The following TRPC5 variants were observed in gnomAD, a reference collection of about 807,000 sequenced individuals.
The protein encoded by TRPC5 is short transient receptor potential channel 5.
Under a neutral mutation model 56.5 loss-of-function variants are expected in TRPC5, and 9 were observed. The observed-to-expected ratio is 0.16, with a 90% CI of 0.10 to 0.28. The LOEUF (loss-of-function observed/expected upper bound fraction) is 0.28, where lower values mean the gene tolerates loss of function less well. TRPC5 is among the 10% of genes least tolerant of loss of function. The pLI is 1.00. For missense variants in TRPC5, 469 were observed against 748.9 expected, an observed-to-expected ratio of 0.63 and a Z score of 4.36; for synonymous variants, 282 against 278.5, an observed-to-expected ratio of 1.01 and a Z score of -0.13.
At position 111,769,341 on chromosome X, in the gene TRPC5, C is replaced by T. The variant is rs1251056455; in HGVS notation, c.*6972G>A. ...TACTGTTTAAACACAAAGGGTTAAT[C>T]ATTATGGTTGTTCCCAAATCAGTGA... On this transcript the variant is annotated 3_prime_UTR_variant, in exon 11 of 11. Transcript: ENST00000262839. Among the ~76,000 whole-genome samples, 5 of 112,054 alleles carry T rather than the reference C, an allele frequency of 4.5e-5. No homozygotes were observed. Among genetic ancestry groups the T allele is most frequent in the Non-Finnish European group, 9.4e-5 (5 of 53,154 alleles).
chrX:112,010,771 A>G (rs967210408), intron 1 of TRPC5, among the ~76,000 whole-genome samples: 2 of 112,297 alleles, frequency 1.8e-5, no homozygotes, highest in Admixed American at 9.4e-5. Flanking sequence ...AAATTTCATT[A>G]TGCAGCATGT....
At position 111,775,541 on chromosome X, in the gene TRPC5, A is replaced by T. The variant is rs1294356872; in HGVS notation, c.*772T>A. On this transcript the variant is annotated 3_prime_UTR_variant, in exon 11 of 11. Coordinates refer to ENST00000262839, the MANE Select transcript of TRPC5 (RefSeq NM_012471.3). ...ACAAATTCTAAATACTAATTTTGAT[A>T]CTATCAAATTTTCAAATGTAGTAAG... 8.9e-6 allele frequency: 1 copy of T among 112,103 alleles called. No individual in the cohort carries two copies. The highest frequency in any genetic ancestry group is 2.8e-4 in the East Asian group (1 of 3,586). The allele number at this position is 112,103 out of a possible 1,213,427, so 9.2% of individuals were successfully genotyped here. A position where few individuals can be genotyped will look rare whatever the true frequency, so the allele number is the denominator to read the frequency against.
chrX:112,036,094 TAG>T (rs1289475828), intron 1 of TRPC5, among the ~76,000 whole-genome samples: 2 of 110,908 alleles, frequency 1.8e-5, no homozygotes, highest in African/African-American at 6.6e-5. Flanking sequence ...TGTGAAAGCT[TAG>T]AGTCTTCTTA....
At chrX:111,814,146 G>A (rs1028475605) in intron 7 of TRPC5, among the ~76,000 whole-genome samples, 2 of 111,784 alleles carry the variant, frequency 1.8e-5, no homozygotes, top group Non-Finnish European at 1.9e-5. Flanking sequence ...TTTTCAACTT[G>A]TTTAAAAAAT....
chrX:111,899,153 A>T (rs867895715), intron 3 of TRPC5, among the ~76,000 whole-genome samples: 11 of 111,039 alleles, frequency 9.9e-5, no homozygotes, highest in Non-Finnish European at 1.3e-4. Flanking sequence ...AAATAAAAAA[A>T]AAGCTAATAC....
intron 3 of TRPC5, among the ~76,000 whole-genome samples, chrX:111,891,065 A>G (rs1289694965): frequency 8.9e-6 from 1 of 112,231 alleles, no homozygotes; most frequent in Non-Finnish European, 1.9e-5. Context: ...TTATGGCTGC[A>G]TAGTACTCCA....
intron 1 of TRPC5, among the ~76,000 whole-genome samples, chrX:112,066,013 T>G (rs1387672167): frequency 9.2e-6 from 1 of 108,589 alleles, no homozygotes; most frequent in African/African-American, 3.3e-5. Context: ...CCACACCAAC[T>G]ACCTGTCCCC....
chrX:111,995,303 T>G (rs1345810207), intron 1 of TRPC5, among the ~76,000 whole-genome samples: 3 of 111,949 alleles, frequency 2.7e-5, no homozygotes, highest in African/African-American at 9.8e-5. Context: ...CCTTGCATCC[T>G]AGGGATGAAG....
intron 1 of TRPC5, among the ~76,000 whole-genome samples, chrX:111,976,872 A>T (rs1232674129): frequency 9.0e-6 from 1 of 111,177 alleles, no homozygotes; most frequent in Non-Finnish European, 1.9e-5. Context: ...ATTAAAAAAA[A>T]AAATCCCATT....
chrX:111,927,556 G>A (rs1036755200), intron 2 of TRPC5, among the ~76,000 whole-genome samples: 1 of 111,232 alleles, frequency 9.0e-6, no homozygotes, highest in Non-Finnish European at 1.9e-5. Flanking sequence ...TCAATCCATG[G>A]GAATGAAGTG....
chrX:111,940,466 G>A (rs138021673), intron 2 of TRPC5, among the ~76,000 whole-genome samples: 3,264 of 110,806 alleles, frequency 0.029, 65 homozygotes, highest in Middle Eastern at 0.065. Context: ...TGAGGTGGGC[G>A]GATCACCAGG....
intron 2 of TRPC5, among the ~76,000 whole-genome samples, chrX:111,949,816 T>C (rs1477537289): frequency 8.1e-5 from 9 of 111,672 alleles, no homozygotes; most frequent in Admixed American, 3.8e-4. Flanking sequence ...AGTAGAACTA[T>C]CATTTTATCC....
intron 1 of TRPC5, among the ~76,000 whole-genome samples, chrX:111,970,361 T>G (rs1927745617): frequency 8.9e-6 from 1 of 112,077 alleles, no homozygotes; most frequent in Non-Finnish European, 1.9e-5. Flanking sequence ...TGATCTTAAA[T>G]GCTTAAATGC....
chrX:111,817,666 G>A (rs1448917968), intron 7 of TRPC5, among the ~76,000 whole-genome samples: 1 of 111,036 alleles, frequency 9.0e-6, no homozygotes, highest in Non-Finnish European at 1.9e-5. Flanking sequence ...TGTGAAGTTG[G>A]CAGGAAACCC....
At chrX:111,890,832 T>C (rs957315715) in intron 3 of TRPC5, among the ~76,000 whole-genome samples, 1 of 112,065 alleles carries the variant, frequency 8.9e-6, no homozygotes, top group Non-Finnish European at 1.9e-5. Context: ...TTAAGCCTAG[T>C]ACCCATTAGT....
intron 3 of TRPC5, among the ~76,000 whole-genome samples, chrX:111,854,646 T>C (rs772016875): frequency 6.2e-5 from 7 of 112,137 alleles, no homozygotes; most frequent in Non-Finnish European, 1.3e-4. Flanking sequence ...CTACGTGAGG[T>C]CATCATCAAT....
chrX:111,995,810 G>A (rs1417997731), intron 1 of TRPC5, among the ~76,000 whole-genome samples: 1 of 111,003 alleles, frequency 9.0e-6, no homozygotes, highest in Non-Finnish European at 1.9e-5. Flanking sequence ...ATTTCTGTGG[G>A]ATGGGTGGTG....
intron 1 of TRPC5, among the ~76,000 whole-genome samples, chrX:112,034,594 AT>A (rs374687346): frequency 1.2e-3 from 122 of 103,428 alleles, no homozygotes; most frequent in Admixed American, 2.4e-3. Context: ...ACATTGATGG[AT>A]TTTTTTTTTT....
At chrX:112,076,440 C>CT (rs966854457) in intron 1 of TRPC5, among the ~76,000 whole-genome samples, 11 of 109,599 alleles carry the variant, frequency 1.0e-4, no homozygotes, top group South Asian at 4.0e-4. Flanking sequence ...AGGAGTTGCT[C>CT]TTTTTTTTTC....
Sources: allele counts gnomAD v4.1 joint callset (sites outside exome capture counted in the v4.1 genomes callset), GRCh38; gene constraint gnomAD v4.1.1; transcripts MANE v1.5; gene names NCBI Gene and HGNC (gene_info 2026-07-23, HGNC 2026-07-21).